The following SVIL variants were observed in gnomAD, a reference collection of about 807,000 sequenced individuals.
SVIL encodes the protein archvillin.
A neutral mutation model predicts 240.4 loss-of-function variants in SVIL; 101 were observed. The ratio of observed to expected loss-of-function variants is 0.42; its 90% CI spans 0.36 to 0.50. The LOEUF (loss-of-function observed/expected upper bound fraction) is 0.50, where lower values mean the gene tolerates loss of function less well. Among genes scored for constraint, SVIL ranks in the 20% least tolerant of loss-of-function variants. The pLI, the probability that SVIL is intolerant of heterozygous loss-of-function variation, is 0.01. For synonymous variants in SVIL, 999 were observed against 1,100.0 expected (o/e 0.91, Z 1.82); for missense variants, 2,512 against 2,818.7 (o/e 0.89, Z 2.46).
Position 29,550,619 on chromosome 10 carries a change from G to C in SVIL, c.805C>G (p.Leu269Val), listed in dbSNP as rs894196953. Residue 269 changes from leucine (L) to valine (V), a missense_variant, in exon 6 of 38, where the codon CTA (leucine) becomes GTA (valine). Leu to Val is a conservative substitution (Grantham distance 32). This residue lies in a region of SVIL where 1,443 missense variants were observed against 1,486.6 expected (regional missense o/e 0.97). Transcript: ENST00000355867. Reference protein sequence around the residue: ...SRSPSFGDPQLSPEARPSTGK... With the variant: ...SRSPSFGDPQVSPEARPSTGK... Reference sequence around the variant, plus strand: ...TACCTGGGTCGGGCCTCAGGGGATAGCTGTGGGTCACCAAAGGAGGGGCTC... The same window carrying C: ...TACCTGGGTCGGGCCTCAGGGGATACCTGTGGGTCACCAAAGGAGGGGCTC... 1.2e-6 allele frequency: 2 copies of C among 1,612,368 alleles called. No individual in the cohort carries two copies. Among genetic ancestry groups the C allele is most frequent in the African/African-American group, 2.7e-5 (2 of 74,914 alleles).
chr10:29,464,191 C>T (rs1944614314), intron 34 of SVIL, among the ~76,000 whole-genome samples: 1 of 152,068 alleles, frequency 6.6e-6, no homozygotes, highest in Non-Finnish European at 1.5e-5. Flanking sequence ...AATCCCAGTG[C>T]TTTGGGAGGC....
In SVIL at chr10:29,484,794, C is replaced by T; in HGVS notation, c.4817G>A (p.Trp1606Ter). 6.2e-7 allele frequency: 1 copy of T among 1,612,342 alleles called. No individual in the cohort carries two copies. Among genetic ancestry groups the T allele is most frequent in the Non-Finnish European group, 8.5e-7 (1 of 1,179,390 alleles). The change falls in exon 27 of 38, where the codon TGG becomes TAG. Residue 1606 changes from tryptophan to a stop codon, truncating the protein, a stop_gained. Coordinates refer to ENST00000355867, the MANE Select transcript of SVIL (RefSeq NM_021738.3). LOFTEE classifies it high-confidence loss of function. This position sits in a 1 kb window ranked among gnomAD's most constrained non-coding sequence, Gnocchi z 4.7. ...TGCTAATGTGACTTCTTTCCCATGC[C>T]ATACGTAAACTTCACTACCAAAATC... ...VFDFGSEVYV[W>*]HGKEVTLAQR...
rs571481546 is a variant in SVIL, at chr10:29,498,343, G to A, written c.3664+773C>T. On this transcript the variant is annotated intron_variant, in intron 18 of 37. Coordinates refer to ENST00000355867, the MANE Select transcript of SVIL (RefSeq NM_021738.3). ...TGAGGCGAGAGAATTGCTTGAACCCGGGAGGTGGAGGATGCAGTGAGCCGA... is the reference window on the plus strand; with the variant it reads ...TGAGGCGAGAGAATTGCTTGAACCCAGGAGGTGGAGGATGCAGTGAGCCGA... Among the ~76,000 whole-genome samples, 487 of 151,436 alleles carry A rather than the reference G, an allele frequency of 3.2e-3. 3 individuals carry two copies. The highest frequency in any genetic ancestry group is 0.011 in the African/African-American group (456 of 41,238).
At chr10:29,687,629 C>T (rs1214793943) in intron 1 of SVIL, among the ~76,000 whole-genome samples, 7 of 152,178 alleles carry the variant, frequency 4.6e-5, no homozygotes, top group African/African-American at 1.4e-4. Context: ...GCCAAGATCG[C>T]GCCACCGCAC....
intron 20 of SVIL, among the ~76,000 whole-genome samples, chr10:29,494,343 T>G (rs1257550563): frequency 1.3e-5 from 2 of 152,222 alleles, no homozygotes; most frequent in African/African-American, 4.8e-5. Context: ...TTCTGTTCAG[T>G]GGTGGTTGTA....
At chr10:29,481,493 G>C in intron 28 of SVIL, 91 bp downstream of exon 28, 1 of 1,519,220 alleles carries the variant, frequency 6.6e-7, no homozygotes, top group Non-Finnish European at 9.0e-7. Context: ...ACAGCCATAC[G>C]AACTATCCTG....
intron 2 of SVIL, among the ~76,000 whole-genome samples, chr10:29,660,542 A>T (rs1399567778): frequency 6.6e-6 from 1 of 152,154 alleles, no homozygotes; most frequent in Non-Finnish European, 1.5e-5. Flanking sequence ...TGGGAGGTGG[A>T]GGCTGCAGTG....
rs536679844 is a variant in SVIL at position 29,522,493 on chromosome 10, C to T, written c.3306G>A (p.Ala1102=). ...TTTTGATCTCTCCAGCAGCAAACAT[C>T]GCACATGGATTCTTGCAGAGCTTCT... ...PQEKLCKNPC[A]MFAAGEIKTP... The change falls in exon 16 of 38, where the codon GCG becomes GCA. Residue 1102 remains alanine, a synonymous_variant. Coordinates refer to ENST00000355867, the MANE Select transcript of SVIL (RefSeq NM_021738.3). The T allele has an allele frequency of 2.6e-4, 424 of 1,614,196 alleles. 5 individuals are homozygous for T. In the South Asian group the frequency reaches 4.3e-3, roughly 16 times the overall value.
chr10:29,500,523 C>T (rs561436490), intron 17 of SVIL, among the ~76,000 whole-genome samples: 1 of 152,112 alleles, frequency 6.6e-6, no homozygotes, highest in Non-Finnish European at 1.5e-5. Flanking sequence ...TCTCTTGAAC[C>T]CGAGGAAGGC....
Position 29,471,135 on chromosome 10 carries a change from T to G in SVIL, c.5635+3A>C. 6.2e-7 allele frequency: 1 copy of G among 1,612,578 alleles called. No homozygotes were observed. Among genetic ancestry groups the G allele is most frequent in the Non-Finnish European group, 8.5e-7 (1 of 1,179,276 alleles). On this transcript the variant is annotated splice_donor_region_variant and intron_variant, in intron 31 of 37. Transcript: ENST00000355867. ...TCGAATTCCAGCAGTAAAAGTGACT[T>G]ACTTTGCACATTTTCTTCTTCCTCT...
intron 1 of SVIL, among the ~76,000 whole-genome samples, chr10:29,613,907 G>A (rs1396123841): frequency 6.6e-6 from 1 of 152,076 alleles, no homozygotes; most frequent in Non-Finnish European, 1.5e-5. Flanking sequence ...AAAGCCCAAC[G>A]AACTCATCAG....
chr10:29,501,793 CA>C, intron 17 of SVIL, among the ~76,000 whole-genome samples: 1 of 152,142 alleles, frequency 6.6e-6, no homozygotes, highest in East Asian at 1.9e-4. Flanking sequence ...TTAATCAAAC[CA>C]AGATGGCGCT....
intron 1 of SVIL, among the ~76,000 whole-genome samples, chr10:29,726,005 T>C (rs1964267601): frequency 6.6e-6 from 1 of 152,196 alleles, no homozygotes; most frequent in Non-Finnish European, 1.5e-5. Flanking sequence ...CACTACAGCC[T>C]CGACATCATG....
intron 3 of SVIL, among the ~76,000 whole-genome samples, chr10:29,652,169 C>T (rs371774966): frequency 5.9e-5 from 9 of 152,268 alleles, no homozygotes; most frequent in Middle Eastern, 3.4e-3. Context: ...TCATCATTCC[C>T]GGAAGAAACC....
chr10:29,735,833 C>G (rs985348795), upstream of SVIL: 1 of 151,652 alleles, frequency 6.6e-6, no homozygotes, highest in Non-Finnish European at 1.5e-5. This position sits in a 1 kb window ranked among gnomAD's most constrained non-coding sequence, Gnocchi z 4.1. Context: ...TTCTCAGCAG[C>G]GCCGCGGCCA....
At chr10:29,534,912 T>C (rs1286675128) in intron 7 of SVIL, among the ~76,000 whole-genome samples, 1 of 152,174 alleles carries the variant, frequency 6.6e-6, no homozygotes, top group Non-Finnish European at 1.5e-5. Flanking sequence ...TCCAACTACT[T>C]GAGAATGGAA....
chr10:29,525,123 T>C (rs1950814831), intron 13 of SVIL, among the ~76,000 whole-genome samples: 1 of 152,142 alleles, frequency 6.6e-6, no homozygotes, highest in Admixed American at 6.5e-5. Flanking sequence ...GGTCTTTCAT[T>C]TTAAATAATT....
At chr10:29,692,649 A>G (rs1174986096) in intron 1 of SVIL, among the ~76,000 whole-genome samples, 1 of 149,466 alleles carries the variant, frequency 6.7e-6, no homozygotes, top group Non-Finnish European at 1.5e-5. Flanking sequence ...TATATGATAT[A>G]TATATAAAAA....
chr10:29,684,677 AG>A (rs1960923987), intron 2 of SVIL, among the ~76,000 whole-genome samples: 3 of 152,184 alleles, frequency 2.0e-5, no homozygotes, highest in Non-Finnish European at 4.4e-5. Flanking sequence ...GACCGTTAAA[AG>A]GTGCTAGACT....
Sources: allele counts gnomAD v4.1 joint callset (sites outside exome capture counted in the v4.1 genomes callset), GRCh38; gene constraint gnomAD v4.1.1; regional missense constraint gnomAD v4.1.1; non-coding constraint Gnocchi (gnomAD v3.1); transcripts MANE v1.5; gene names NCBI Gene and HGNC (gene_info 2026-07-23, HGNC 2026-07-21).